The following GUCY2F variants were observed in gnomAD, a reference collection of about 807,000 sequenced individuals.
GUCY2F encodes the protein retinal guanylyl cyclase 2.
A neutral mutation model predicts 73.1 loss-of-function variants in GUCY2F; 61 were observed. That is an observed-to-expected ratio of 0.83 (90% CI 0.68 to 1.03). GUCY2F has a LOEUF of 1.03. GUCY2F is among the 50% of genes least tolerant of loss of function. GUCY2F has a pLI of 0.00. For synonymous variants in GUCY2F, 331 were observed against 307.8 expected (o/e 1.08, Z -0.79); for missense variants, 912 against 854.3 (o/e 1.07, Z -0.84).
intron 3 of GUCY2F, among the ~76,000 whole-genome samples, chrX:109,455,030 G>A (rs780480609): frequency 8.9e-6 from 1 of 111,857 alleles, no homozygotes; most frequent in South Asian, 3.8e-4. Context: ...GTAGCAGATA[G>A]CAAGACACTG....
intron 1 of GUCY2F, among the ~76,000 whole-genome samples, chrX:109,476,872 CAT>C (rs1385295261): frequency 1.8e-5 from 2 of 109,172 alleles, no homozygotes; most frequent in Middle Eastern, 4.7e-3. Flanking sequence ...TGTGTGTATA[CAT>C]ATATATATGG....
Position 109,413,409 on chromosome X carries a change from C to CT in GUCY2F, c.1792-4242dup, listed in dbSNP as rs202214535. On this transcript the variant is annotated intron_variant, in intron 8 of 19. Coordinates refer to ENST00000218006, the MANE Select transcript of GUCY2F (RefSeq NM_001522.3). ...GTTAGCTTCATATTTGACAAGACAC[C>CT]TTTTTTTTTTTCTGAGATGGAGTCT... is the stretch of plus-strand genomic sequence containing the variant. Among the ~76,000 whole-genome samples, 737 of 105,817 alleles carry CT rather than the reference C, an allele frequency of 7.0e-3. 5 individuals carry two copies. The highest frequency in any genetic ancestry group is 0.013 in the African/African-American group (396 of 29,350). 91.9% of individuals were successfully genotyped at this position (105,817 alleles called of 115,157 possible). A position where few individuals can be genotyped will look rare whatever the true frequency, so the allele number is the denominator to read the frequency against.
chrX:109,400,239 A>T (rs751796974), intron 10 of GUCY2F, among the ~76,000 whole-genome samples: 1 of 110,282 alleles, frequency 9.1e-6, no homozygotes, highest in African/African-American at 3.3e-5. Flanking sequence ...AGTAGCAGCA[A>T]CACAGTCAAC....
In GUCY2F at chrX:109,392,951, A is replaced by G; in HGVS notation, c.2529T>C (p.Thr843=). ...TCTGTTTTTCAATTTCCAGCTCTTCAGTCCGCTCCCGAATCAAATCTTCCA... is the reference window on the plus strand; with the variant it reads ...TCTGTTTTTCAATTTCCAGCTCTTCGGTCCGCTCCCGAATCAAATCTTCCA... The part of the protein sequence containing the change: ...SNLEDLIRER[T]EELEIEKQKT... Residue 843 remains threonine (T), a synonymous_variant, in exon 13 of 20, where the codon ACT becomes ACC. Coordinates refer to ENST00000218006, the MANE Select transcript of GUCY2F (RefSeq NM_001522.3). 4.2e-6 allele frequency: 5 copies of G among 1,177,510 alleles called. No individual in the cohort carries two copies. The highest frequency in any genetic ancestry group is 4.6e-6 in the Non-Finnish European group (4 of 864,909).
At position 109,386,276 on chromosome X, in the gene GUCY2F, G is replaced by A. The variant is rs139667231; in HGVS notation, c.2957-994C>T. On this transcript the variant is annotated intron_variant, in intron 15 of 19. Coordinates refer to ENST00000218006, the MANE Select transcript of GUCY2F (RefSeq NM_001522.3). ...TGAGGCAAGAAGCACAGACAGAGGTGCTATAATAACTCAGAAAATGGGAGG... is the reference window on the plus strand; with the variant it reads ...TGAGGCAAGAAGCACAGACAGAGGTACTATAATAACTCAGAAAATGGGAGG... Among the ~76,000 whole-genome samples the A allele has an allele frequency of 8.0e-3, 896 of 112,167 alleles. 8 individuals carry two copies. Among genetic ancestry groups the A allele is most frequent in the African/African-American group, 0.027 (847 of 30,858 alleles).
At chrX:109,399,235 T>C (rs1295352453) in intron 10 of GUCY2F, among the ~76,000 whole-genome samples, 1 of 112,882 alleles carries the variant, frequency 8.9e-6, no homozygotes, top group Non-Finnish European at 1.9e-5. Context: ...CAAATATTTA[T>C]TGATGGTCTA....
chrX:109,425,817 G>T (rs2147267013), intron 8 of GUCY2F, among the ~76,000 whole-genome samples: 1 of 111,034 alleles, frequency 9.0e-6, no homozygotes, highest in African/African-American at 3.3e-5. Context: ...ATTTTTTTAA[G>T]AAATTAAGTC....
At chrX:109,389,233 G>A (rs779609968) in intron 14 of GUCY2F, among the ~76,000 whole-genome samples, 72 of 111,840 alleles carry the variant, frequency 6.4e-4, no homozygotes, top group African/African-American at 2.2e-3. Context: ...TCCCTGAGGA[G>A]CAGCAGTACT....
At chrX:109,469,385 T>G (rs1220173737) in intron 2 of GUCY2F, among the ~76,000 whole-genome samples, 5 of 111,031 alleles carry the variant, frequency 4.5e-5, no homozygotes, top group Non-Finnish European at 7.6e-5. Flanking sequence ...GGTCACTTAT[T>G]TCTCTCAGAT....
At chrX:109,437,546 T>C (rs762012078) in intron 7 of GUCY2F, among the ~76,000 whole-genome samples, 2 of 112,661 alleles carry the variant, frequency 1.8e-5, no homozygotes, top group South Asian at 7.3e-4. Context: ...CAGAGAATGA[T>C]AGCATATTCA....
At chrX:109,382,021 T>C in intron 17 of GUCY2F, 97 bp downstream of exon 17, 1 of 468,119 alleles carries the variant, frequency 2.1e-6, no homozygotes, top group Admixed American at 3.1e-5. Context: ...TAGCTCTGAG[T>C]CTCAGACTCC....
chrX:109,381,458 A>T (rs1371601163), intron 17 of GUCY2F, among the ~76,000 whole-genome samples: 1 of 111,921 alleles, frequency 8.9e-6, no homozygotes, highest in Non-Finnish European at 1.9e-5. Context: ...CTCTTTTACA[A>T]CTGGGTCAAC....
chrX:109,413,747 G>A (rs1931170269), intron 8 of GUCY2F, among the ~76,000 whole-genome samples: 1 of 110,609 alleles, frequency 9.0e-6, no homozygotes, highest in African/African-American at 3.3e-5. Context: ...GTTATCTGAA[G>A]GACTCCTTCA....
chrX:109,385,476 C>A (rs988808238), intron 15 of GUCY2F, among the ~76,000 whole-genome samples, 194 bp from the exon 16 acceptor site: 4 of 112,483 alleles, frequency 3.6e-5, no homozygotes, highest in African/African-American at 9.7e-5. Context: ...TATAACAATG[C>A]AGACATGACT....
intron 8 of GUCY2F, among the ~76,000 whole-genome samples, chrX:109,430,053 A>T (rs1332403724): frequency 8.9e-6 from 1 of 112,332 alleles, no homozygotes; most frequent in Non-Finnish European, 1.9e-5. Flanking sequence ...ACTAAGACTT[A>T]GGGAGTTTAG....
chrX:109,393,168 G>T, intron 12 of GUCY2F, 113 bp from the exon 13 acceptor site: 1 of 478,562 alleles, frequency 2.1e-6, no homozygotes, highest in South Asian at 3.2e-5. Flanking sequence ...GGGCAGGAAA[G>T]GTGAACCCAG....
chrX:109,468,500 A>C (rs1466461613), intron 2 of GUCY2F, among the ~76,000 whole-genome samples: 2 of 111,442 alleles, frequency 1.8e-5, no homozygotes, highest in African/African-American at 6.5e-5. Flanking sequence ...TGGAGGAACA[A>C]TTGGAAGTGA....
intron 16 of GUCY2F, chrX:109,383,307 T>C (rs762410380): frequency 1.0e-4 from 31 of 309,767 alleles, no homozygotes; most frequent in African/African-American, 8.6e-4. Flanking sequence ...AGCCTTTCAG[T>C]AGAGTAATCT....
At chrX:109,407,349 G>A (rs1258564263) in intron 9 of GUCY2F, among the ~76,000 whole-genome samples, 1 of 112,867 alleles carries the variant, frequency 8.9e-6, no homozygotes, top group Non-Finnish European at 1.9e-5. Context: ...AAGCAGCAAA[G>A]CATTCAAAAG....
Sources: gnomAD v4.1 joint callset for allele counts (sites outside exome capture counted in the v4.1 genomes callset) on GRCh38, gnomAD v4.1.1 for gene constraint, MANE v1.5 for transcripts, NCBI Gene and HGNC (gene_info 2026-07-23, HGNC 2026-07-21) for gene names.